GUSB: variants seen among roughly 807,000 people sequenced by gnomAD.
GUSB encodes glucuronidase beta.
In GUSB, 51 loss-of-function variants were observed where a neutral mutation model predicts 74.6. That is an observed-to-expected ratio of 0.68 (90% CI 0.55 to 0.86). GUSB has a LOEUF of 0.86. Ranked by LOEUF, GUSB falls within the 40% of genes least tolerant of loss-of-function variation. The probability of loss-of-function intolerance (pLI) is 0.00; values close to 1 mark genes in which losing one functional copy is unlikely to be tolerated. For missense variants in GUSB, 736 were observed against 853.7 expected (o/e 0.86, Z 1.72); for synonymous variants, 360 against 348.3 (o/e 1.03, Z -0.37).
At chr7:65,980,197 G>T in intron 2 of GUSB, 27 bp downstream of exon 2, 1 of 253,708 alleles carries the variant, frequency 3.9e-6, no homozygotes, top group Non-Finnish European at 8.1e-6. Flanking sequence ...CCCCCCACCC[G>T]CCCTGCCTGC....
rs757135258 is a variant in GUSB, at chr7:65,980,209, C to A, written c.396+15G>T. On this transcript the variant is annotated intron_variant, in intron 2 of 11. Coordinates refer to ENST00000304895, the MANE Select transcript of GUSB (RefSeq NM_000181.4). The stretch of plus-strand genomic sequence containing the variant: ...TGCCCCCCCACCCGCCCTGCCTGCT[C>A]CTGGCCGCACTGACCACGATGGCAT... The A allele has an allele frequency of 1.1e-5, 17 of 1,514,762 alleles. No homozygotes were observed. The Admixed American group carries it at 3.1e-4, about 28-fold the overall frequency. The allele number at this position is 1,514,762 out of a possible 1,614,324, so 93.8% of individuals were successfully genotyped here.
intron 9 of GUSB, 79 bp from the exon 10 acceptor site, chr7:65,967,986 T>G: frequency 8.2e-7 from 1 of 1,216,732 alleles, no homozygotes; most frequent in East Asian, 2.3e-5. Flanking sequence ...GGGGCTCCTC[T>G]GGCAGAGAAG....
chr7:65,962,818 G>T (rs1436867390), intron 11 of GUSB, among the ~76,000 whole-genome samples: 4 of 151,822 alleles, frequency 2.6e-5, no homozygotes, highest in Admixed American at 6.6e-5. Flanking sequence ...GTTGCAGTAG[G>T]CTGAGATAGC....
chr7:65,975,990 T>C (rs755827819), intron 5 of GUSB, 25 bp downstream of exon 5: 2 of 1,606,532 alleles, frequency 1.2e-6, no homozygotes, highest in Admixed American at 3.3e-5. Context: ...AGACCTCCCT[T>C]AGGCATGTCC....
Position 65,975,998 on chromosome 7 carries a change from T to C in GUSB, c.912+17A>G. Reference sequence around the variant, plus strand: ...GGGCAAAAGACCTCCCTTAGGCATGTCCCAAACCACCATTACCTCCAATGA... The same window carrying C: ...GGGCAAAAGACCTCCCTTAGGCATGCCCCAAACCACCATTACCTCCAATGA... On this transcript the variant is annotated intron_variant, in intron 5 of 11. Coordinates refer to ENST00000304895, the MANE Select transcript of GUSB (RefSeq NM_000181.4). 1 of 1,610,884 alleles carries C rather than the reference T, an allele frequency of 6.2e-7. No individual in the cohort carries two copies. Among genetic ancestry groups the C allele is most frequent in the Non-Finnish European group, 8.5e-7 (1 of 1,178,536 alleles).
In GUSB at chr7:65,974,461, G is replaced by A; in HGVS notation, c.1245-20C>T. 6.2e-7 allele frequency: 1 copy of A among 1,614,188 alleles called. No individual in the cohort carries two copies. The highest frequency in any genetic ancestry group is 1.6e-4 in the Middle Eastern group (1 of 6,062). On this transcript the variant is annotated intron_variant, in intron 7 of 11. Coordinates refer to ENST00000304895, the MANE Select transcript of GUSB (RefSeq NM_000181.4). ...AACTGCCTGCGGGCCAGGAGGGAAG[G>A]GACAGAGGGTCACGGTGACGCCCCC...
rs1791580198 is a variant in GUSB at position 65,976,395 on chromosome 7, G to A, written c.725-193C>T. Among the ~76,000 whole-genome samples the A allele has an allele frequency of 2.0e-5, 3 of 151,340 alleles. No individual in the cohort carries two copies. In the South Asian group the frequency reaches 6.3e-4, roughly 32 times the overall value. On this transcript the variant is annotated intron_variant, in intron 4 of 11. Transcript: ENST00000304895. ...GGCTGGAGTGCAGTGGCATGATCTC[G>A]GCTCACTGCAACCTCCACCTCTGGG... is the stretch of plus-strand genomic sequence containing the variant.
At chr7:65,964,261 G>T in intron 11 of GUSB, 62 bp downstream of exon 11, 1 of 1,431,060 alleles carries the variant, frequency 7.0e-7, no homozygotes, top group Non-Finnish European at 9.9e-7. Flanking sequence ...GGCCAGAATT[G>T]GAAAGGCAAC....
At position 65,960,874 on chromosome 7, in the gene GUSB, C is replaced by CAGG. The variant is rs1562665647; in HGVS notation, c.*22_*23insCCT. 2 of 1,608,472 alleles carry CAGG rather than the reference C, an allele frequency of 1.2e-6. No homozygotes were observed. The highest frequency in any genetic ancestry group is 1.7e-6 in the Non-Finnish European group (2 of 1,174,946). ...TCGCCCTGACTCGGGGAGGAAGGGA[C>CAGG]ACGCAGGTGGTATCAGTCTTGCTCA... is the stretch of plus-strand genomic sequence containing the variant. On this transcript the variant is annotated 3_prime_UTR_variant, in exon 12 of 12. Transcript: ENST00000304895.
At chr7:65,968,945 GA>G (rs2115888401) in intron 9 of GUSB, among the ~76,000 whole-genome samples, 1 of 152,308 alleles carries the variant, frequency 6.6e-6, no homozygotes, top group South Asian at 2.1e-4. Flanking sequence ...CAGAGGGCCA[GA>G]AAAGTCACTC....
chr7:65,981,512 C>T (rs1422571408), intron 1 of GUSB, among the ~76,000 whole-genome samples: 1 of 151,704 alleles, frequency 6.6e-6, no homozygotes, highest in African/African-American at 2.4e-5. Context: ...GCTGGGATTA[C>T]AGGTGTGAGC....
At chr7:65,974,849 G>A (rs1421478709) in intron 6 of GUSB, 70 bp downstream of exon 6, 6 of 1,573,418 alleles carry the variant, frequency 3.8e-6, no homozygotes, top group Non-Finnish European at 5.2e-6. Flanking sequence ...TCAACTGCAG[G>A]ACACAGGGAA....
intron 4 of GUSB, among the ~76,000 whole-genome samples, chr7:65,977,849 C>CAT (rs1791688487): frequency 6.6e-6 from 1 of 151,974 alleles, no homozygotes. Flanking sequence ...CTCGCTCTGT[C>CAT]CCCTAGGCTG....
Position 65,967,859 on chromosome 7 carries a change from G to T in GUSB, c.1525C>A (p.His509Asn), listed in dbSNP as rs1472841930. The T allele has an allele frequency of 1.2e-6, 2 of 1,606,056 alleles. No homozygotes were observed. The highest frequency in any genetic ancestry group is 2.2e-5 in the South Asian group (2 of 91,078). ...ICLNSYYSWY[H>N]DYGHLELIQL... ...ATCAACTCCAGGTGCCCGTAGTCGT[G>T]ATACCAAGAGTAGTAGCTGTTCAAA... The change falls in exon 10 of 12, where the codon CAC becomes AAC. Residue 509 changes from histidine (H) to asparagine (N), a missense_variant. By Grantham distance (68) the His-to-Asn change is moderately conservative (BLOSUM62 1). Coordinates refer to ENST00000304895, the MANE Select transcript of GUSB (RefSeq NM_000181.4).
intron 9 of GUSB, 141 bp downstream of exon 9, chr7:65,970,141 T>C (rs1174366493): frequency 1.5e-6 from 1 of 674,892 alleles, no homozygotes; most frequent in Non-Finnish European, 2.7e-6. Context: ...AGACCCTGTC[T>C]CTATCTTTTT....
At chr7:65,975,926 C>G (rs1364065653) in intron 5 of GUSB, 89 bp downstream of exon 5, 1 of 1,014,944 alleles carries the variant, frequency 9.9e-7, no homozygotes, top group African/African-American at 1.6e-5. Context: ...CCATGCCTGC[C>G]CATCCACCTG....
intron 8 of GUSB, among the ~76,000 whole-genome samples, chr7:65,973,072 T>C (rs1018324472): frequency 3.3e-5 from 5 of 152,242 alleles, no homozygotes; most frequent in African/African-American, 1.2e-4. Context: ...GGTTCACACC[T>C]GTAATCCCAG....
At position 65,982,083 on chromosome 7, in the gene GUSB, G is replaced by T; in HGVS notation, c.101C>A (p.Pro34Gln). 1 of 1,606,170 alleles carries T rather than the reference G, an allele frequency of 6.2e-7. No individual in the cohort carries two copies. Residue 34 changes from proline to glutamine, a missense_variant, in exon 1 of 12, where the codon CCG becomes CAG. By Grantham distance (76) the Pro-to-Gln change is moderately conservative. This residue lies in a region of GUSB where 368 missense variants were observed against 363.8 expected (regional missense o/e 1.01). Coordinates refer to ENST00000304895, the MANE Select transcript of GUSB (RefSeq NM_000181.4). ...QGGMLYPQES[P>Q]SRECKELDGL... ...GTCCAGCTCCTTGCACTCCCGCGACGGGCTCTCCTGGGGGTACAGCATCCC... is the reference window on the plus strand; with the variant it reads ...GTCCAGCTCCTTGCACTCCCGCGACTGGCTCTCCTGGGGGTACAGCATCCC...
chr7:65,974,252 G>T, intron 8 of GUSB, 43 bp downstream of exon 8: 1 of 1,606,158 alleles, frequency 6.2e-7, no homozygotes, highest in Non-Finnish European at 8.5e-7. Flanking sequence ...ACCTGCCAGG[G>T]TCTCCTTCCC....
Sources: gnomAD v4.1 joint callset for allele counts (sites outside exome capture counted in the v4.1 genomes callset) on GRCh38, gnomAD v4.1.1 for gene constraint, gnomAD v4.1.1 regional missense constraint, MANE v1.5 for transcripts, NCBI Gene and HGNC (gene_info 2026-07-23, HGNC 2026-07-21) for gene names.